SLC16A9: variants seen among roughly 807,000 people sequenced by gnomAD.
SLC16A9 encodes the protein solute carrier family 16 member 9.
In SLC16A9, 26 loss-of-function variants were observed where a neutral mutation model predicts 44.3. The observed-to-expected ratio is 0.59, with a 90% confidence interval of 0.43 to 0.81. The LOEUF (loss-of-function observed/expected upper bound fraction) is 0.81. Ranked by LOEUF, SLC16A9 falls within the 40% of genes least tolerant of loss-of-function variation. The pLI, the probability that SLC16A9 is intolerant of heterozygous loss-of-function variation, is 0.00. For synonymous variants in SLC16A9, 230 were observed against 225.1 expected (o/e 1.02, Z -0.19); for missense variants, 559 against 595.8 (o/e 0.94, Z 0.64).
chr10:59,662,125 A>G (rs1483491406), intron 4 of SLC16A9, among the ~76,000 whole-genome samples: 1 of 152,230 alleles, frequency 6.6e-6, no homozygotes, highest in Non-Finnish European at 1.5e-5. Context: ...AAAAGCCAAA[A>G]TAGACAAATG....
intron 1 of SLC16A9, among the ~76,000 whole-genome samples, chr10:59,697,541 C>T (rs1840422662): frequency 2.0e-5 from 3 of 150,616 alleles, no homozygotes; most frequent in Middle Eastern, 3.4e-3. Context: ...GCAGCATGCT[C>T]GTTAAGAGTC....
intron 4 of SLC16A9, among the ~76,000 whole-genome samples, chr10:59,656,492 A>T (rs1218409768): frequency 6.6e-6 from 1 of 152,256 alleles, no homozygotes; most frequent in East Asian, 1.9e-4. Context: ...AACACATAAG[A>T]TAGCAGAGAA....
intron 2 of SLC16A9, among the ~76,000 whole-genome samples, chr10:59,679,096 G>C (rs1243667892): frequency 6.6e-6 from 1 of 152,158 alleles, no homozygotes; most frequent in African/African-American, 2.4e-5. Context: ...ACAAAAGGGA[G>C]AGGGCAAGGA....
At position 59,684,268 on chromosome 10, in the gene SLC16A9, G is replaced by C. The variant is rs200684224; in HGVS notation, c.24C>G (p.Asp8Glu). MELKKSP[D>E]GGWGWVIVFV... ...ACACAATCACCCAGCCCCATCCACC[G>C]TCAGGCGACTTTTTAAGTTCCATTG... The change falls in exon 2 of 6, where the codon GAC becomes GAG. Residue 8 changes from aspartate (D) to glutamate (E), a missense_variant. By Grantham distance (45) the Asp-to-Glu change is conservative. Transcript: ENST00000395348. The C allele has an allele frequency of 6.2e-7, 1 of 1,612,912 alleles. No homozygotes were observed. The highest frequency in any genetic ancestry group is 1.3e-5 in the African/African-American group (1 of 74,968).
chr10:59,705,015 T>C (rs1361246684), intron 1 of SLC16A9, among the ~76,000 whole-genome samples: 2 of 152,144 alleles, frequency 1.3e-5, no homozygotes, highest in Non-Finnish European at 2.9e-5. Context: ...TTATTGGGAA[T>C]CATGAGAATA....
chr10:59,707,213 G>A (rs1232919059), intron 1 of SLC16A9, among the ~76,000 whole-genome samples: 2 of 145,386 alleles, frequency 1.4e-5, no homozygotes, highest in Non-Finnish European at 3.0e-5. Context: ...AAGAGAGAGA[G>A]AGAAGAGAGA....
upstream of SLC16A9, chr10:59,709,981 G>A (rs1459110429): frequency 1.3e-5 from 2 of 150,410 alleles, no homozygotes; most frequent in African/African-American, 2.5e-5. Flanking sequence ...GAGTAGGGAG[G>A]GCACTGCCCG....
At chr10:59,673,027 T>A in intron 2 of SLC16A9, 114 bp from the exon 3 acceptor site, 1 of 952,264 alleles carries the variant, frequency 1.1e-6, no homozygotes, top group Non-Finnish European at 1.6e-6. Flanking sequence ...GTATTTATGA[T>A]ATGCAGACAC....
chr10:59,708,905 C>G (rs1840702798), intron 1 of SLC16A9: 1 of 152,460 alleles, frequency 6.6e-6, no homozygotes, highest in Non-Finnish European at 1.5e-5. Flanking sequence ...CCCGCGCTCG[C>G]CCAGGGCTGC....
At chr10:59,700,634 A>G (rs1416594267) in intron 1 of SLC16A9, among the ~76,000 whole-genome samples, 1 of 152,212 alleles carries the variant, frequency 6.6e-6, no homozygotes, top group Admixed American at 6.5e-5. Context: ...CTATTTAGTA[A>G]GTGTTCAATC....
intron 1 of SLC16A9, among the ~76,000 whole-genome samples, chr10:59,704,403 G>A (rs999194660): frequency 1.6e-4 from 24 of 152,128 alleles, no homozygotes; most frequent in African/African-American, 5.6e-4. Flanking sequence ...CTACCCATGA[G>A]GAAACTGAAG....
intron 4 of SLC16A9, among the ~76,000 whole-genome samples, chr10:59,656,941 C>T (rs1034984241): frequency 6.6e-6 from 1 of 152,212 alleles, no homozygotes; most frequent in Non-Finnish European, 1.5e-5. Context: ...TCAGGGAACA[C>T]GAAGCAGTGA....
At chr10:59,670,673 C>A (rs538462931) in intron 3 of SLC16A9, among the ~76,000 whole-genome samples, 1 of 152,242 alleles carries the variant, frequency 6.6e-6, no homozygotes, top group South Asian at 2.1e-4. Context: ...TTAGACTGAA[C>A]CGTTCTTATT....
At chr10:59,654,626 T>C in intron 4 of SLC16A9, 37 bp from the exon 5 acceptor site, 4 of 1,482,474 alleles carry the variant, frequency 2.7e-6, no homozygotes, top group Non-Finnish European at 3.6e-6. Context: ...CCTCGTAATC[T>C]GAGGCTCTCA....
At chr10:59,693,438 GAA>G (rs1193973386) in intron 1 of SLC16A9, among the ~76,000 whole-genome samples, 1 of 151,956 alleles carries the variant, frequency 6.6e-6, no homozygotes, top group South Asian at 2.1e-4. Flanking sequence ...TTAAGGAAAA[GAA>G]AAAGAATCCA....
At chr10:59,652,974 G>T (rs751750486) in intron 5 of SLC16A9, 24 bp from the exon 6 acceptor site, 11 of 1,584,604 alleles carry the variant, frequency 6.9e-6, no homozygotes, top group Admixed American at 1.9e-5. Flanking sequence ...AAGAAAAAAA[G>T]TAAGTTTCAT....
chr10:59,666,771 T>A (rs1839627161), intron 3 of SLC16A9, among the ~76,000 whole-genome samples: 1 of 152,102 alleles, frequency 6.6e-6, no homozygotes, highest in Non-Finnish European at 1.5e-5. Context: ...ACTACAGTTA[T>A]TTAACCTTGG....
chr10:59,667,293 A>G (rs1377325598), intron 3 of SLC16A9, among the ~76,000 whole-genome samples: 1 of 152,208 alleles, frequency 6.6e-6, no homozygotes, highest in East Asian at 1.9e-4. Context: ...TTCTAATTAC[A>G]TCTTTGTATG....
At chr10:59,697,041 C>T (rs1247592221) in intron 1 of SLC16A9, among the ~76,000 whole-genome samples, 1 of 92,344 alleles carries the variant, frequency 1.1e-5, no homozygotes, top group African/African-American at 3.6e-5. Context: ...GCGCCTCTGC[C>T]TGGCCGCCCC....
Sources: gnomAD v4.1 joint callset for allele counts (sites outside exome capture counted in the v4.1 genomes callset) on GRCh38, gnomAD v4.1.1 for gene constraint, MANE v1.5 for transcripts, NCBI Gene and HGNC (gene_info 2026-07-23, HGNC 2026-07-21) for gene names.